Variants in FBN1 observed in about 807,000 individuals in gnomAD.
The protein encoded by FBN1 is fibrillin-1.
A neutral mutation model predicts 365.1 loss-of-function variants in FBN1; 29 were observed. The observed-to-expected ratio is 0.08, with a 90% CI of 0.06 to 0.11. The LOEUF (loss-of-function observed/expected upper bound fraction) is 0.11, where lower values mean the gene tolerates loss of function less well. Among genes scored for constraint, FBN1 ranks in the 10% least tolerant of loss-of-function variants. The probability of loss-of-function intolerance (pLI) is 1.00; values close to 1 mark genes in which losing one functional copy is unlikely to be tolerated. For missense variants in FBN1, 2,476 were observed against 3,703.2 expected, an observed-to-expected ratio of 0.67 and a Z score of 8.60; for synonymous variants, 1,210 against 1,270.5, an observed-to-expected ratio of 0.95 and a Z score of 1.01.
intron 24 of FBN1, 46 bp downstream of exon 24, chr15:48,492,415 A>C (rs1240535739): frequency 6.3e-7 from 1 of 1,580,278 alleles, no homozygotes; most frequent in African/African-American, 1.4e-5. Flanking sequence ...ATTTTTAATA[A>C]TCGTTAATAA....
chr15:48,571,977 T>C (rs964528478), intron 6 of FBN1, among the ~76,000 whole-genome samples: 2 of 152,102 alleles, frequency 1.3e-5, no homozygotes, highest in Admixed American at 6.5e-5. Context: ...TAAAGAAAAA[T>C]AGAAACTAGA....
At chr15:48,619,499 T>G (rs900715489) in intron 2 of FBN1, among the ~76,000 whole-genome samples, 1 of 152,006 alleles carries the variant, frequency 6.6e-6, no homozygotes, top group Non-Finnish European at 1.5e-5. Context: ...CTATCTGCCT[T>G]TCTTCCACTC....
At chr15:48,507,940 A>G (rs903793183) in intron 15 of FBN1, among the ~76,000 whole-genome samples, 8 of 152,196 alleles carry the variant, frequency 5.3e-5, no homozygotes, top group Admixed American at 3.3e-4. Context: ...CTCAACAGCA[A>G]AAATAAAAAT....
intron 24 of FBN1, among the ~76,000 whole-genome samples, chr15:48,491,628 G>A (rs1394789494): frequency 6.6e-6 from 1 of 152,032 alleles, no homozygotes; most frequent in African/African-American, 2.4e-5. Flanking sequence ...TGGGATTACA[G>A]GCGTGAGCCA....
chr15:48,481,912 T>C, intron 31 of FBN1, 132 bp from the exon 32 acceptor site: 1 of 883,632 alleles, frequency 1.1e-6, no homozygotes, highest in Non-Finnish European at 1.8e-6. Context: ...CAATGTTAAA[T>C]TTTAGAGGCC....
intron 13 of FBN1, among the ~76,000 whole-genome samples, chr15:48,511,722 T>G (rs16961062): frequency 0.34 from 52,401 of 152,022 alleles, 10,585 homozygotes; most frequent in African/African-American, 0.57. Context: ...CTTCTTATTT[T>G]CAGGATAACC....
intron 6 of FBN1, among the ~76,000 whole-genome samples, chr15:48,595,341 T>G (rs2044508244): frequency 6.6e-6 from 1 of 152,214 alleles, no homozygotes; most frequent in African/African-American, 2.4e-5. Context: ...TATACAACTT[T>G]GGCTAAAAGT....
chr15:48,495,421 T>C (rs775072570), intron 21 of FBN1, 48 bp downstream of exon 21: 1 of 1,608,452 alleles, frequency 6.2e-7, no homozygotes, highest in South Asian at 1.1e-5. Context: ...ACATTAAGTA[T>C]AACAACATTG....
Position 48,468,112 on chromosome 15 carries a change from A to G in FBN1, c.4583-10T>C, listed in dbSNP as rs1379865323. ...TTTCCAGAGCGGGTATCTATTTACC[A>G]TATACAAACACAAAAGCATCAGGCA... On this transcript the variant is annotated splice_polypyrimidine_tract_variant and intron_variant, in intron 37 of 65. Coordinates refer to ENST00000316623, the MANE Select transcript of FBN1 (RefSeq NM_000138.5). The G allele has an allele frequency of 6.2e-7, 1 of 1,613,862 alleles. No homozygotes were observed. Among genetic ancestry groups the G allele is most frequent in the Non-Finnish European group, 8.5e-7 (1 of 1,179,992 alleles).
chr15:48,516,873 G>A (rs868214887), intron 10 of FBN1, among the ~76,000 whole-genome samples: 2 of 152,196 alleles, frequency 1.3e-5, no homozygotes, highest in African/African-American at 4.8e-5. Context: ...AGGGGGAGAT[G>A]ATGATGTCCG....
At chr15:48,588,486 T>C (rs1443911397) in intron 6 of FBN1, among the ~76,000 whole-genome samples, 1 of 152,158 alleles carries the variant, frequency 6.6e-6, no homozygotes, top group Non-Finnish European at 1.5e-5. Flanking sequence ...TTTTAATAAG[T>C]TCATAAGAGC....
At chr15:48,534,578 CAG>C (rs1231401281) in intron 7 of FBN1, among the ~76,000 whole-genome samples, 1 of 152,136 alleles carries the variant, frequency 6.6e-6, no homozygotes, top group Non-Finnish European at 1.5e-5. Context: ...TAGTAATAAT[CAG>C]AGTTATTCAA....
chr15:48,482,147 A>G (rs2043470175), intron 31 of FBN1, among the ~76,000 whole-genome samples: 1 of 152,234 alleles, frequency 6.6e-6, no homozygotes, highest in Non-Finnish European at 1.5e-5. Context: ...TAGTTTTCAT[A>G]TTTTGAAAGA....
chr15:48,472,439 G>T, intron 35 of FBN1, 112 bp downstream of exon 35: 1 of 1,411,152 alleles, frequency 7.1e-7, no homozygotes, highest in Non-Finnish European at 9.8e-7. Flanking sequence ...TAGAAATGAA[G>T]CTAAAACACA....
At chr15:48,490,861 A>G (rs11852589) in intron 24 of FBN1, among the ~76,000 whole-genome samples, 34,705 of 152,158 alleles carry the variant, frequency 0.23, 4,861 homozygotes, top group African/African-American at 0.39. Flanking sequence ...ATCTCTCAGA[A>G]GGTTCTGTGA....
chr15:48,575,434 T>C (rs575466474), intron 6 of FBN1, among the ~76,000 whole-genome samples: 3 of 152,192 alleles, frequency 2.0e-5, no homozygotes, highest in Non-Finnish European at 1.5e-5. Flanking sequence ...GCTTTTACTG[T>C]ACCCATTATC....
chr15:48,415,713 G>A lies in FBN1; in HGVS notation c.7874C>T (p.Thr2625Ile). ...ACACATGCACTTGTAGCTCCCCAGG[G>A]TGTTGTGACAGGAGGCTCCTCCGCA... is the stretch of plus-strand genomic sequence containing the variant. ...HICGGASCHN[T>I]LGSYKCMCPA... is the part of the protein sequence containing the mutation. The change falls in exon 64 of 66, where the codon ACC becomes ATC. Residue 2625 changes from threonine to isoleucine, a missense_variant. Transcript: ENST00000316623. 6.2e-7 allele frequency: 1 copy of A among 1,614,246 alleles called. No homozygotes were observed. Among genetic ancestry groups the A allele is most frequent in the Non-Finnish European group, 8.5e-7 (1 of 1,180,042 alleles).
In FBN1 at chr15:48,463,183, C is replaced by T. The variant is rs758600004; in HGVS notation, c.5123G>A (p.Gly1708Glu). The stretch of plus-strand genomic sequence containing the variant: ...CTTGGTCATGTTGAATAACAATTCT[C>T]CATCACAGGTCTGGTTGTCAGCATA... ...NYYADNQTCD[G>E]ELLFNMTKKM... The change falls in exon 42 of 66, where the codon GGA becomes GAA. Residue 1708 changes from glycine to glutamate, a missense_variant. Transcript: ENST00000316623. 6.2e-6 allele frequency: 10 copies of T among 1,613,876 alleles called. No homozygotes were observed. The Admixed American group carries it at 1.0e-4, about 16-fold the overall frequency.
intron 6 of FBN1, among the ~76,000 whole-genome samples, chr15:48,593,397 T>G (rs75316366): frequency 0.017 from 2,555 of 152,314 alleles, 62 homozygotes; most frequent in African/African-American, 0.059. Context: ...TTTGTTTTTA[T>G]TGCCACTTAG....
Sources: allele counts gnomAD v4.1 joint callset (sites outside exome capture counted in the v4.1 genomes callset), GRCh38; gene constraint gnomAD v4.1.1; transcripts MANE v1.5; gene names NCBI Gene and HGNC (gene_info 2026-07-23, HGNC 2026-07-21).